Variants in TBX3 observed in about 807,000 individuals in gnomAD.
TBX3 encodes T-box transcription factor TBX3.
Under a neutral mutation model 47.8 loss-of-function variants are expected in TBX3, and 11 were observed. The ratio of observed to expected loss-of-function variants is 0.23; its 90% CI spans 0.14 to 0.38. The LOEUF (loss-of-function observed/expected upper bound fraction) is 0.38, where lower values mean the gene tolerates loss of function less well. TBX3 is among the 10% of genes least tolerant of loss of function. The pLI is 1.00. For missense variants in TBX3, 927 were observed against 1,022.8 expected, an observed-to-expected ratio of 0.91 and a Z score of 1.28; for synonymous variants, 500 against 449.3, an observed-to-expected ratio of 1.11 and a Z score of -1.43.
chr12:114,682,027 A>G (rs1011415855), intron 1 of TBX3, among the ~76,000 whole-genome samples: 1 of 151,998 alleles, frequency 6.6e-6, no homozygotes, highest in South Asian at 2.1e-4. Context: ...ACAGGCTTCA[A>G]TGCTATTACA....
chr12:114,678,641 G>C lies in TBX3; in HGVS notation c.804+864C>G, dbSNP rs1868807994. ...TGACAGTGAGTTCAAAATGAAGTGT[G>C]TTGTCAGGTAAAATGGACTCTCTTT... On this transcript the variant is annotated intron_variant, in intron 3 of 6. Transcript: ENST00000349155. Among the ~76,000 whole-genome samples the C allele has an allele frequency of 2.0e-5, 3 of 152,216 alleles. No individual in the cohort carries two copies. The South Asian group carries it at 6.2e-4, about 32-fold the overall frequency.
intron 4 of TBX3, 87 bp from the exon 5 acceptor site, chr12:114,676,557 C>T: frequency 1.3e-6 from 2 of 1,544,462 alleles, no homozygotes; most frequent in Non-Finnish European, 1.8e-6. Context: ...GCGGCACACA[C>T]ATACCTCACA....
chr12:114,681,619 G>A (rs1011047188), intron 1 of TBX3, among the ~76,000 whole-genome samples: 85 of 152,178 alleles, frequency 5.6e-4, no homozygotes, highest in African/African-American at 2.0e-3. Context: ...TGAACGTCAA[G>A]TTGCACCCCT....
intron 6 of TBX3, 47 bp from the exon 7 acceptor site, chr12:114,672,349 G>C: frequency 2.1e-6 from 3 of 1,447,754 alleles, no homozygotes; most frequent in Non-Finnish European, 2.8e-6. Flanking sequence ...GGTGGGAGGA[G>C]CTTATCTCAT....
chr12:114,672,055 T>G lies in TBX3; in HGVS notation c.1958A>C (p.Lys653Thr), dbSNP rs1416254745. ...MAAAAGPLDG[K>T]VAALAASPAS... is the part of the protein sequence containing the mutation. ...CGGGCTGGCGGCCAGGGCGGCGACT[T>G]TGCCGTCCAGGGGCCCCGCGGCCGC... is the stretch of plus-strand genomic sequence containing the variant. The change falls in exon 7 of 7, where the codon AAA (lysine) becomes ACA (threonine). Residue 653 changes from lysine (K) to threonine (T), a missense_variant. Transcript: ENST00000349155. 3.2e-6 allele frequency: 5 copies of G among 1,575,372 alleles called. No individual in the cohort carries two copies. Among genetic ancestry groups the G allele is most frequent in the African/African-American group, 2.7e-5 (2 of 74,106 alleles).
chr12:114,680,444 T>A (rs1185212679), intron 2 of TBX3: 2 of 297,332 alleles, frequency 6.7e-6, no homozygotes, highest in Non-Finnish European at 1.3e-5. Context: ...TTTAAAAATG[T>A]ATTCACACCA....
At position 114,674,560 on chromosome 12, in the gene TBX3, G is replaced by C. The variant is rs751549922; in HGVS notation, c.1315C>G (p.Arg439Gly). 6.4e-7 allele frequency: 1 copy of C among 1,565,308 alleles called. No homozygotes were observed. Among genetic ancestry groups the C allele is most frequent in the Non-Finnish European group, 8.6e-7 (1 of 1,159,504 alleles). Residue 439 changes from arginine to glycine, a missense_variant, in exon 6 of 7, where the codon CGC becomes GGC. Physicochemically the swap from Arg to Gly is moderately radical, Grantham distance 125 (BLOSUM62 -2). This residue lies in a region of TBX3 where 623 missense variants were observed against 569.0 expected (regional missense o/e 1.09). Transcript: ENST00000349155. ...LGAEERRSPV[R>G]EGTAPAKVEE... ...ACCTTGGCCGGCGCTGTGCCCTCGC[G>C]AACCGGGCTCCTGCGCTCCTCCGCG...
chr12:114,680,518 C>G lies in TBX3; in HGVS notation c.657+361G>C, dbSNP rs191026254. 7.7e-4 allele frequency: 276 copies of G among 359,256 alleles called. 1 individual carries two copies. The highest frequency in any genetic ancestry group is 8.3e-4 in the Non-Finnish European group (161 of 193,358). 22.3% of individuals were successfully genotyped at this position (359,256 alleles called of 1,614,324 possible). A position where few individuals can be genotyped will look rare whatever the true frequency, so the allele number is the denominator to read the frequency against. The stretch of plus-strand genomic sequence containing the variant: ...CCTGAGAAAATAATATCACTGGTTT[C>G]AAAACAGAAGTATGATATTTTAAAA... On this transcript the variant is annotated intron_variant, in intron 2 of 6. Coordinates refer to ENST00000349155, the MANE Select transcript of TBX3 (RefSeq NM_005996.4).
In TBX3 at chr12:114,674,290, C is replaced by A; in HGVS notation, c.1585G>T (p.Ala529Ser). ...TCCAGGCCCGAGACACCGGTGGAGG[C>A]CCCAGAAACCGTGGCCAGGAGGGGA... is the stretch of plus-strand genomic sequence containing the variant. ...MGPLLATVSG[A>S]STGVSGLDST... Residue 529 changes from alanine to serine, a missense_variant, in exon 6 of 7, where the codon GCC (alanine) becomes TCC (serine). Physicochemically the swap from Ala to Ser is moderately conservative, Grantham distance 99 (BLOSUM62 1). Coordinates refer to ENST00000349155, the MANE Select transcript of TBX3 (RefSeq NM_005996.4). The A allele has an allele frequency of 6.3e-7, 1 of 1,580,316 alleles. No homozygotes were observed. Among genetic ancestry groups the A allele is most frequent in the Non-Finnish European group, 8.6e-7 (1 of 1,163,510 alleles).
chr12:114,683,466 C>G lies in TBX3; in HGVS notation c.-266G>C. The G allele has an allele frequency of 2.1e-6, 1 of 484,526 alleles. No individual in the cohort carries two copies. The highest frequency in any genetic ancestry group is 3.6e-6 in the Non-Finnish European group (1 of 275,734). 30.0% of individuals were successfully genotyped at this position (484,526 alleles called of 1,614,324 possible). A position where few individuals can be genotyped will look rare whatever the true frequency, so the allele number is the denominator to read the frequency against. On this transcript the variant is annotated 5_prime_UTR_variant, in exon 1 of 7. Transcript: ENST00000349155. This position sits in a 1 kb window ranked among gnomAD's most constrained non-coding sequence, Gnocchi z 7.7. ...CAAACATAGTCGCGCGGGTGACCGTCCTTGTGCCTTGCGTTTTTAAAAAGC... is the reference window on the plus strand; with the variant it reads ...CAAACATAGTCGCGCGGGTGACCGTGCTTGTGCCTTGCGTTTTTAAAAAGC...
rs768858986 is a variant in TBX3 at position 114,679,589 on chromosome 12, G to A, written c.720C>T (p.Ile240=). 6.2e-7 allele frequency: 1 copy of A among 1,614,214 alleles called. No homozygotes were observed. The highest frequency in any genetic ancestry group is 1.1e-5 in the South Asian group (1 of 91,076). Residue 240 remains isoleucine (I), a synonymous_variant, in exon 3 of 7, where the codon ATC becomes ATT. Coordinates refer to ENST00000349155, the MANE Select transcript of TBX3 (RefSeq NM_005996.4). The stretch of plus-strand genomic sequence containing the variant: ...GAAATGTACTATAAGGGAGTTTCAA[G>A]ATGTCATTGGCTCTTACAATGTGGA... The part of the protein sequence containing the change: ...PRFHIVRAND[I]LKLPYSTFRT...
In TBX3 at chr12:114,671,114, T is replaced by C. The variant is rs1282764062; in HGVS notation, c.*727A>G. On this transcript the variant is annotated 3_prime_UTR_variant, in exon 7 of 7. Transcript: ENST00000349155. ...ATCCCCCCCTCCCTTGGGTCACTGA[T>C]TTGAGGGCAAAGGATTGGGAAAAGG... 2 of 210,704 alleles carry C rather than the reference T, an allele frequency of 9.5e-6. No individual in the cohort carries two copies. The highest frequency in any genetic ancestry group is 1.9e-4 in the South Asian group (1 of 5,288). The allele number at this position is 210,704 out of a possible 1,614,324, so 13.1% of individuals were successfully genotyped here. A position where few individuals can be genotyped will look rare whatever the true frequency, so the allele number is the denominator to read the frequency against.
At chr12:114,675,860 C>A (rs890877696) in intron 5 of TBX3, among the ~76,000 whole-genome samples, 2 of 151,708 alleles carry the variant, frequency 1.3e-5, no homozygotes, top group Non-Finnish European at 2.9e-5. Context: ...CTTCTCGGTT[C>A]CAGGTGGCAG....
intron 3 of TBX3, 124 bp downstream of exon 3, chr12:114,679,381 A>G (rs1376643113): frequency 2.9e-6 from 4 of 1,387,938 alleles, no homozygotes; most frequent in African/African-American, 2.9e-5. Context: ...ATGCTCCACA[A>G]ATCACAAAAG....
chr12:114,672,419 G>T, intron 6 of TBX3, 117 bp from the exon 7 acceptor site: 4 of 699,564 alleles, frequency 5.7e-6, no homozygotes, highest in Non-Finnish European at 6.0e-6. Context: ...GGTATGTTCT[G>T]TTGTTGTTGT....
intron 3 of TBX3, among the ~76,000 whole-genome samples, 198 bp from the exon 4 acceptor site, chr12:114,677,854 A>G (rs1187497230): frequency 6.6e-6 from 1 of 152,156 alleles, no homozygotes; most frequent in Non-Finnish European, 1.5e-5. Flanking sequence ...GGATTTGGGG[A>G]TGAAATTATT....
At chr12:114,679,728 G>T in intron 2 of TBX3, 77 bp from the exon 3 acceptor site, 1 of 1,603,702 alleles carries the variant, frequency 6.2e-7, no homozygotes, top group Non-Finnish European at 8.5e-7. Flanking sequence ...ACCCCTGCCA[G>T]GCTGAAATCT....
chr12:114,674,096 G>A (rs1335617384), intron 6 of TBX3, 69 bp downstream of exon 6: 2 of 1,545,832 alleles, frequency 1.3e-6, no homozygotes, highest in African/African-American at 1.4e-5. Context: ...GTGAGGGTCT[G>A]CTGGCAAAGG....
intron 3 of TBX3, 106 bp downstream of exon 3, chr12:114,679,399 A>C: frequency 6.7e-7 from 1 of 1,503,056 alleles, no homozygotes; most frequent in South Asian, 1.1e-5. Context: ...AAGACAACTC[A>C]AGACTCTCGT....
Sources: gnomAD v4.1 joint callset for allele counts (sites outside exome capture counted in the v4.1 genomes callset) on GRCh38, gnomAD v4.1.1 for gene constraint, gnomAD v4.1.1 regional missense constraint, Gnocchi (gnomAD v3.1) non-coding constraint, MANE v1.5 for transcripts, NCBI Gene and HGNC (gene_info 2026-07-23, HGNC 2026-07-21) for gene names.